The following ARHGEF7 variants were observed in gnomAD, a reference collection of about 807,000 sequenced individuals.
ARHGEF7 encodes Rho guanine nucleotide exchange factor 7.
Under a neutral mutation model 109.8 loss-of-function variants are expected in ARHGEF7, and 33 were observed. The ratio of observed to expected loss-of-function variants is 0.30; its 90% CI spans 0.23 to 0.40. ARHGEF7 has a LOEUF of 0.40. Ranked by LOEUF, ARHGEF7 falls within the 10% of genes least tolerant of loss-of-function variation. The pLI is 1.00. For synonymous variants in ARHGEF7, 458 were observed against 424.6 expected (o/e 1.08, Z -0.97); for missense variants, 938 against 1,098.5 (o/e 0.85, Z 2.07).
intron 1 of ARHGEF7, among the ~76,000 whole-genome samples, chr13:111,147,898 C>T (rs2083172): frequency 4.6e-5 from 7 of 151,928 alleles, no homozygotes; most frequent in South Asian, 2.1e-4. Flanking sequence ...GGGGTTTCAC[C>T]GTTTTAGCCG....
chr13:111,251,295 G>A (rs1303511877), intron 8 of ARHGEF7, among the ~76,000 whole-genome samples: 1 of 152,206 alleles, frequency 6.6e-6, no homozygotes, highest in Non-Finnish European at 1.5e-5. Flanking sequence ...ACCCTGAGGT[G>A]GGCATTGGCT....
intron 1 of ARHGEF7, among the ~76,000 whole-genome samples, chr13:111,134,093 T>C (rs1027330881): frequency 6.6e-6 from 1 of 152,022 alleles, no homozygotes; most frequent in Non-Finnish European, 1.5e-5. Context: ...GTTTCCAGCT[T>C]CATCCATGTC....
rs977891621 is a variant in ARHGEF7, at chr13:111,255,884, A to G, written c.950+11590A>G. Reference sequence around the variant, plus strand: ...GCTCTGTCGTTTGGGGATGTCTGACAGGCAGTTGACTAGCCATGGAATCAG... The same window carrying G: ...GCTCTGTCGTTTGGGGATGTCTGACGGGCAGTTGACTAGCCATGGAATCAG... On this transcript the variant is annotated intron_variant, in intron 8 of 21. Coordinates refer to ENST00000646102, the MANE Select transcript of ARHGEF7 (RefSeq NM_001354046.2). This position sits in a 1 kb window ranked among gnomAD's most constrained non-coding sequence, Gnocchi z 4.1. Among the ~76,000 whole-genome samples the G allele has an allele frequency of 2.0e-5, 3 of 152,216 alleles. No homozygotes were observed. Among genetic ancestry groups the G allele is most frequent in the Non-Finnish European group, 2.9e-5 (2 of 68,038 alleles).
At chr13:111,240,006 A>G (rs747687631) in intron 6 of ARHGEF7, among the ~76,000 whole-genome samples, 2 of 152,190 alleles carry the variant, frequency 1.3e-5, no homozygotes, top group African/African-American at 4.8e-5. Context: ...CCTTCCTACT[A>G]TAAGCCAATG....
chr13:111,171,962 C>T (rs767496717), intron 2 of ARHGEF7, among the ~76,000 whole-genome samples: 7 of 152,188 alleles, frequency 4.6e-5, no homozygotes, highest in Non-Finnish European at 1.0e-4. Context: ...TCAGTCCATG[C>T]CTTGATCTTG....
chr13:111,174,639 C>T (rs568460933), intron 2 of ARHGEF7, among the ~76,000 whole-genome samples: 35 of 152,264 alleles, frequency 2.3e-4, no homozygotes, highest in African/African-American at 7.5e-4. Context: ...ATTGTCTTGC[C>T]TTAGTTAAAG....
chr13:111,150,504 T>G (rs997336362), intron 1 of ARHGEF7, among the ~76,000 whole-genome samples: 2 of 152,064 alleles, frequency 1.3e-5, no homozygotes, highest in African/African-American at 4.8e-5. Context: ...ATATGCATTG[T>G]TTTTTTACAT....
At chr13:111,132,023 T>C (rs2074782484) in intron 1 of ARHGEF7, among the ~76,000 whole-genome samples, 1 of 152,142 alleles carries the variant, frequency 6.6e-6, no homozygotes, top group Admixed American at 6.5e-5. Context: ...CCTGTAGCAA[T>C]TGGCAGGGAA....
At chr13:111,246,390 C>T (rs1481441802) in intron 8 of ARHGEF7, among the ~76,000 whole-genome samples, 1 of 152,124 alleles carries the variant, frequency 6.6e-6, no homozygotes, top group Non-Finnish European at 1.5e-5. Context: ...GAGTGGCCTT[C>T]CTTCTGTGCC....
At chr13:111,270,589 A>C (rs533283532) in intron 9 of ARHGEF7, among the ~76,000 whole-genome samples, 1 of 151,720 alleles carries the variant, frequency 6.6e-6, no homozygotes, top group African/African-American at 2.4e-5. Flanking sequence ...GCTTTTTTTG[A>C]GGGAGTGGTG....
chr13:111,259,451 G>A (rs1173471901), intron 8 of ARHGEF7, among the ~76,000 whole-genome samples: 4 of 152,216 alleles, frequency 2.6e-5, no homozygotes, highest in African/African-American at 9.6e-5. Flanking sequence ...AGAGCAAAGA[G>A]TCTCTGCCTA....
chr13:111,117,504 T>C (rs1464568035), intron 1 of ARHGEF7, among the ~76,000 whole-genome samples: 2 of 152,208 alleles, frequency 1.3e-5, no homozygotes, highest in Admixed American at 1.3e-4. Flanking sequence ...GAAAGTTTAA[T>C]GTGAAGGCAG....
intron 19 of ARHGEF7, chr13:111,293,455 C>T: frequency 1.1e-6 from 1 of 891,868 alleles, no homozygotes; most frequent in Non-Finnish European, 1.3e-6. Flanking sequence ...AAAAAAAAAA[C>T]TCACCCGTTT....
chr13:111,199,557 C>T (rs1399832957), intron 2 of ARHGEF7, among the ~76,000 whole-genome samples: 16 of 152,264 alleles, frequency 1.1e-4, no homozygotes, highest in South Asian at 1.0e-3. Flanking sequence ...GGTGACCAGC[C>T]GAGCCCCATC....
chr13:111,213,059 A>G (rs2082688195), intron 4 of ARHGEF7, among the ~76,000 whole-genome samples: 1 of 152,226 alleles, frequency 6.6e-6, no homozygotes, highest in Non-Finnish European at 1.5e-5. Context: ...AGGTGCTCTT[A>G]GAGAGCGGAG....
At chr13:111,161,051 A>C (rs1191532075) in intron 2 of ARHGEF7, among the ~76,000 whole-genome samples, 3 of 152,238 alleles carry the variant, frequency 2.0e-5, no homozygotes, top group Non-Finnish European at 4.4e-5. Flanking sequence ...GGAAATGCTC[A>C]TTGGAGTGTT....
chr13:111,213,065 C>G (rs928445243), intron 4 of ARHGEF7, among the ~76,000 whole-genome samples: 1 of 152,122 alleles, frequency 6.6e-6, no homozygotes, highest in African/African-American at 2.4e-5. Context: ...TCTTAGAGAG[C>G]GGAGGAGAGG....
At chr13:111,296,494 G>A (rs2093431030) in intron 19 of ARHGEF7, among the ~76,000 whole-genome samples, 2 of 152,152 alleles carry the variant, frequency 1.3e-5, no homozygotes, top group South Asian at 4.1e-4. Context: ...TGGAGTCCTC[G>A]AGTTTGAGAA....
At chr13:111,280,939 C>T (rs956349209) in intron 15 of ARHGEF7, 2 of 319,118 alleles carry the variant, frequency 6.3e-6, no homozygotes, top group African/African-American at 2.1e-5. Context: ...GCTGCTTCTG[C>T]TCCGTGTGGC....
Sources: gnomAD v4.1 joint callset for allele counts (sites outside exome capture counted in the v4.1 genomes callset) on GRCh38, gnomAD v4.1.1 for gene constraint, Gnocchi (gnomAD v3.1) non-coding constraint, MANE v1.5 for transcripts, NCBI Gene and HGNC (gene_info 2026-07-23, HGNC 2026-07-21) for gene names.